The following SFI1 variants were observed in gnomAD, a reference collection of about 807,000 sequenced individuals.
SFI1 encodes SFI1 centrin binding protein, also known as protein SFI1 homolog.
A neutral mutation model predicts 207.5 loss-of-function variants in SFI1; 195 were observed. The ratio of observed to expected loss-of-function variants is 0.94; its 90% CI spans 0.84 to 1.06. The LOEUF is 1.06. Among genes scored for constraint, SFI1 ranks in the 50% least tolerant of loss-of-function variants. SFI1 has a pLI of 0.00. For missense variants in SFI1, 1,634 were observed against 1,588.0 expected (o/e 1.03, Z -0.49); for synonymous variants, 630 against 598.9 (o/e 1.05, Z -0.76).
chr22:31,580,547 T>C (rs9621289), intron 12 of SFI1, among the ~76,000 whole-genome samples, 183 bp downstream of exon 12: 2,358 of 132,194 alleles, frequency 0.018, 31 homozygotes, highest in African/African-American at 0.05. Context: ...CTTTTCTTTT[T>C]TTTTTTTTTT....
chr22:31,566,319 C>CT (rs1474049064), intron 8 of SFI1, among the ~76,000 whole-genome samples: 1 of 151,598 alleles, frequency 6.6e-6, no homozygotes, highest in Non-Finnish European at 1.5e-5. Flanking sequence ...TCTTGAACTC[C>CT]TTACCTCAAG....
intron 1 of SFI1, among the ~76,000 whole-genome samples, chr22:31,500,114 T>C (rs867389494): frequency 3.1e-4 from 47 of 150,606 alleles, no homozygotes; most frequent in African/African-American, 1.1e-3. Flanking sequence ...AGGTCAGTAG[T>C]TCAAGACCAG....
chr22:31,611,013 T>C (rs1171178452), intron 22 of SFI1, 130 bp from the exon 23 acceptor site: 1 of 1,245,506 alleles, frequency 8.0e-7, no homozygotes, highest in African/African-American at 1.5e-5. Context: ...TGTGTGGTAG[T>C]TTCACCATGT....
chr22:31,503,346 T>C (rs2054114480), intron 1 of SFI1, among the ~76,000 whole-genome samples: 1 of 152,176 alleles, frequency 6.6e-6, no homozygotes, highest in African/African-American at 2.4e-5. Context: ...GTTGGAATTC[T>C]GTGTGGTCCA....
Position 31,498,163 on chromosome 22 carries a change from C to T in SFI1, c.-31+1526C>T, listed in dbSNP as rs555060695. Among the ~76,000 whole-genome samples the T allele has an allele frequency of 2.5e-3, 382 of 152,178 alleles. 2 individuals are homozygous for T. The highest frequency in any genetic ancestry group is 8.4e-3 in the African/African-American group (349 of 41,518). On this transcript the variant is annotated intron_variant, in intron 1 of 32. Transcript: ENST00000400288. ...ACAAAATATTAGCCGGATGTGGTGG[C>T]GGGCACCCATAATCCCAGCTACTGG... is the stretch of plus-strand genomic sequence containing the variant.
intron 2 of SFI1, among the ~76,000 whole-genome samples, chr22:31,514,874 C>T (rs765466632): frequency 3.3e-5 from 5 of 151,612 alleles, no homozygotes; most frequent in African/African-American, 7.3e-5. Context: ...CGGATTCAAG[C>T]GATTCTTCTG....
chr22:31,596,706 C>T (rs1391154782), intron 15 of SFI1, among the ~76,000 whole-genome samples: 1 of 151,092 alleles, frequency 6.6e-6, no homozygotes, highest in Non-Finnish European at 1.5e-5. Context: ...ATCGCTTGAA[C>T]CTAGGAGGTG....
chr22:31,565,607 G>A (rs2062216259), intron 8 of SFI1, among the ~76,000 whole-genome samples: 1 of 152,120 alleles, frequency 6.6e-6, no homozygotes, highest in African/African-American at 2.4e-5. Flanking sequence ...GCTTAGGTTG[G>A]AGGATCACTT....
chr22:31,588,364 G>A (rs1018166035), intron 14 of SFI1, among the ~76,000 whole-genome samples: 5 of 152,204 alleles, frequency 3.3e-5, no homozygotes, highest in Non-Finnish European at 2.9e-5. Flanking sequence ...CAGAAGCTCT[G>A]TGGCTCTTTG....
At chr22:31,582,236 ATTTTTTTTTTTTTTT>A (rs1161846940) in intron 12 of SFI1, among the ~76,000 whole-genome samples, 2 of 10,140 alleles carry the variant, frequency 2.0e-4, no homozygotes, top group African/African-American at 3.5e-4. Flanking sequence ...ATATATATAT[ATTTTTTTTTTTTTTT>A]TTTTTTTTTT....
intron 31 of SFI1, among the ~76,000 whole-genome samples, chr22:31,617,477 T>C (rs1468949722): frequency 1.3e-5 from 2 of 152,004 alleles, no homozygotes; most frequent in Non-Finnish European, 2.9e-5. Context: ...TCCCAGCACT[T>C]TGAGAGGCTG....
In SFI1 at chr22:31,560,451, G is replaced by A. The variant is rs905767099; in HGVS notation, c.663-839G>A. Among the ~76,000 whole-genome samples, 3 of 145,236 alleles carry A rather than the reference G, an allele frequency of 2.1e-5. No individual in the cohort carries two copies. The Admixed American group carries it at 2.2e-4, about 11-fold the overall frequency. ...GAGTCTCACTCTGTCACCCAGGCTG[G>A]AGTATAGTGGCACGATCTTGGCTCA... On this transcript the variant is annotated intron_variant, in intron 7 of 32. Coordinates refer to ENST00000400288, the MANE Select transcript of SFI1 (RefSeq NM_001007467.3).
At chr22:31,602,544 C>G in intron 16 of SFI1, 63 bp from the exon 17 acceptor site, 1 of 1,567,750 alleles carries the variant, frequency 6.4e-7, no homozygotes, top group Admixed American at 1.7e-5. Context: ...TAAATTCTTT[C>G]CTGGCTTCTG....
At chr22:31,586,335 T>A (rs2065026366) in intron 14 of SFI1, among the ~76,000 whole-genome samples, 1 of 152,230 alleles carries the variant, frequency 6.6e-6, no homozygotes. Context: ...CCCCACAGGC[T>A]GTGAAGTCCT....
chr22:31,541,768 T>A (rs1193237992), intron 4 of SFI1, among the ~76,000 whole-genome samples: 7 of 142,690 alleles, frequency 4.9e-5, no homozygotes, highest in African/African-American at 1.6e-4. Flanking sequence ...AAAAAAGAAT[T>A]GTGAATAAAT....
chr22:31,583,838 C>T (rs755540523), intron 12 of SFI1, 37 bp from the exon 13 acceptor site: 12 of 1,565,606 alleles, frequency 7.7e-6, no homozygotes, highest in Non-Finnish European at 8.8e-6. Context: ...TACCTTTCAT[C>T]TCAGTACATT....
At chr22:31,525,717 CATAGATAGATAG>C (rs71722302) in intron 2 of SFI1, among the ~76,000 whole-genome samples, 73,418 of 148,488 alleles carry the variant, frequency 0.49, 18,630 homozygotes, top group Middle Eastern at 0.56. Context: ...CTCTGTCATT[CATAGATAGATAG>C]ATAGATAGAT....
intron 8 of SFI1, among the ~76,000 whole-genome samples, chr22:31,571,352 G>T (rs1258905165): frequency 6.6e-6 from 1 of 151,980 alleles, no homozygotes; most frequent in Non-Finnish European, 1.5e-5. Flanking sequence ...TCACTCTGTT[G>T]CCCAGACTAG....
At chr22:31,508,801 T>G (rs779359107) in intron 2 of SFI1, among the ~76,000 whole-genome samples, 3 of 152,134 alleles carry the variant, frequency 2.0e-5, no homozygotes, top group Non-Finnish European at 2.9e-5. Flanking sequence ...TTTCTGGGTT[T>G]TGGTAATTGT....
Sources: allele counts gnomAD v4.1 joint callset (sites outside exome capture counted in the v4.1 genomes callset), GRCh38; gene constraint gnomAD v4.1.1; transcripts MANE v1.5; gene names NCBI Gene and HGNC (gene_info 2026-07-23, HGNC 2026-07-21).